The following RYR2 variants were observed in gnomAD, a reference collection of about 807,000 sequenced individuals.
The protein encoded by RYR2 is ryanodine receptor 2, also known as cardiac muscle ryanodine receptor-calcium release channel.
Under a neutral mutation model 601.1 loss-of-function variants are expected in RYR2, and 227 were observed. The observed-to-expected ratio is 0.38, with a 90% CI of 0.34 to 0.42. The LOEUF is 0.42. Among genes scored for constraint, RYR2 ranks in the 10% least tolerant of loss-of-function variants. The pLI, the probability that RYR2 is intolerant of heterozygous loss-of-function variation, is 1.00. For missense variants in RYR2, 4,646 were observed against 6,156.5 expected, an observed-to-expected ratio of 0.75 and a Z score of 8.21; for synonymous variants, 2,223 against 2,175.1, an observed-to-expected ratio of 1.02 and a Z score of -0.61.
intron 92 of RYR2, among the ~76,000 whole-genome samples, chr1:237,788,650 T>C (rs943031904): frequency 2.0e-5 from 3 of 152,194 alleles, no homozygotes; most frequent in Admixed American, 1.3e-4. Context: ...TATAAAAATA[T>C]TAGCTAATTG....
At chr1:237,756,469 C>T in intron 81 of RYR2, 82 bp downstream of exon 81, 2 of 852,878 alleles carry the variant, frequency 2.3e-6, no homozygotes, top group Admixed American at 2.4e-5. Flanking sequence ...CATTTCAATT[C>T]CACTGACTCA....
At chr1:237,723,062 C>G in intron 73 of RYR2, 66 bp from the exon 74 acceptor site, 1 of 1,417,154 alleles carries the variant, frequency 7.1e-7, no homozygotes, top group Non-Finnish European at 9.7e-7. Flanking sequence ...CTCTTCCTAT[C>G]TTTAGATTGT....
intron 2 of RYR2, among the ~76,000 whole-genome samples, chr1:237,310,141 G>A (rs1330459190): frequency 6.6e-6 from 1 of 152,210 alleles, no homozygotes; most frequent in African/African-American, 2.4e-5. Flanking sequence ...GAGTGAGCGA[G>A]GGCTGCCAGC....
intron 6 of RYR2, among the ~76,000 whole-genome samples, chr1:237,370,353 CAT>C (rs1462479245): frequency 6.6e-6 from 1 of 151,802 alleles, no homozygotes; most frequent in Non-Finnish European, 1.5e-5. Flanking sequence ...CCAGTCAACA[CAT>C]ATTTTTTGTA....
chr1:237,144,545 A>G (rs1490435008), intron 1 of RYR2, among the ~76,000 whole-genome samples: 1 of 152,230 alleles, frequency 6.6e-6, no homozygotes, highest in African/African-American at 2.4e-5. Context: ...GCTGACAGAA[A>G]CATCATTTAG....
rs138828991 is a variant in RYR2 at position 237,479,364 on chromosome 1, C to G, written c.1708+10177C>G. On this transcript the variant is annotated intron_variant, in intron 17 of 104. Coordinates refer to ENST00000366574, the MANE Select transcript of RYR2 (RefSeq NM_001035.3). ...CTTCCTTCCCCTTACTTTACACTTGCTAACTACAACAACTAGACTATTCTA... is the reference window on the plus strand; with the variant it reads ...CTTCCTTCCCCTTACTTTACACTTGGTAACTACAACAACTAGACTATTCTA... 1.5e-3 allele frequency among the ~76,000 whole-genome samples: 232 copies of G among 152,300 alleles called. 1 individual carries two copies. Among genetic ancestry groups the G allele is most frequent in the African/African-American group, 4.7e-3 (196 of 41,570 alleles).
At chr1:237,737,553 G>A (rs1449847559) in intron 79 of RYR2, among the ~76,000 whole-genome samples, 1 of 152,162 alleles carries the variant, frequency 6.6e-6, no homozygotes, top group Admixed American at 6.5e-5. Flanking sequence ...TTATACTGTT[G>A]ACTTTTAATT....
In RYR2 at chr1:237,664,808, C is replaced by G. The variant is rs369475676; in HGVS notation, c.8437-1704C>G. Among the ~76,000 whole-genome samples, 20 of 152,188 alleles carry G rather than the reference C, an allele frequency of 1.3e-4. No individual in the cohort carries two copies. In the South Asian group the frequency reaches 3.9e-3, roughly 30 times the overall value. On this transcript the variant is annotated intron_variant, in intron 56 of 104. Coordinates refer to ENST00000366574, the MANE Select transcript of RYR2 (RefSeq NM_001035.3). Reference sequence around the variant, plus strand: ...TAGCTGTGTTAGGTGAGGTAAAGACCATAGGAGTGCTGGGGACAGCAAGGA... The same window carrying G: ...TAGCTGTGTTAGGTGAGGTAAAGACGATAGGAGTGCTGGGGACAGCAAGGA...
intron 2 of RYR2, among the ~76,000 whole-genome samples, chr1:237,301,518 G>A (rs1043176058): frequency 2.6e-5 from 4 of 152,086 alleles, no homozygotes; most frequent in Admixed American, 6.6e-5. Context: ...AAACAGTCAC[G>A]TAACCCCTTT....
chr1:237,731,307 C>T (rs951908597), intron 77 of RYR2, among the ~76,000 whole-genome samples: 1 of 151,352 alleles, frequency 6.6e-6, no homozygotes, highest in African/African-American at 2.4e-5. Context: ...TGAATTCTGC[C>T]AATAAAAATG....
intron 24 of RYR2, among the ~76,000 whole-genome samples, chr1:237,519,532 G>A (rs557897186): frequency 1.3e-5 from 2 of 152,282 alleles, no homozygotes; most frequent in African/African-American, 2.4e-5. Flanking sequence ...GTATTGAAGA[G>A]TGTATCCTTT....
chr1:237,744,953 C>T (rs61830284), intron 80 of RYR2, among the ~76,000 whole-genome samples: 5,173 of 151,790 alleles, frequency 0.034, 101 homozygotes, highest in East Asian at 0.056. Context: ...CGCGCCACCA[C>T]GCCCGGCTAA....
chr1:237,353,699 T>C (rs1699057645), intron 3 of RYR2, among the ~76,000 whole-genome samples: 1 of 152,100 alleles, frequency 6.6e-6, no homozygotes, highest in African/African-American at 2.4e-5. Flanking sequence ...TTTTGAAATT[T>C]TGAAATGAAA....
chr1:237,635,619 C>G (rs539708551), intron 44 of RYR2, among the ~76,000 whole-genome samples: 13 of 152,236 alleles, frequency 8.5e-5, no homozygotes, highest in Non-Finnish European at 1.2e-4. Context: ...CCTTGCTCAC[C>G]TGGCATCTGT....
chr1:237,475,317 G>A (rs755408842), intron 17 of RYR2, among the ~76,000 whole-genome samples: 2 of 152,126 alleles, frequency 1.3e-5, no homozygotes, highest in Non-Finnish European at 2.9e-5. Flanking sequence ...TTATATTGAT[G>A]GGGTGTTCTC....
chr1:237,356,462 C>G (rs560698242), intron 4 of RYR2, among the ~76,000 whole-genome samples: 8 of 150,260 alleles, frequency 5.3e-5, no homozygotes, highest in Non-Finnish European at 1.2e-4. Flanking sequence ...TGGAGTCTCA[C>G]TATGTTGCCC....
chr1:237,696,546 T>TA (rs1242826936), intron 63 of RYR2, among the ~76,000 whole-genome samples: 2 of 151,664 alleles, frequency 1.3e-5, no homozygotes, highest in African/African-American at 4.9e-5. Context: ...CAGACTTTTT[T>TA]TTTTTTTTCA....
chr1:237,216,840 A>G lies in RYR2; in HGVS notation c.49-53657A>G, dbSNP rs908182859. 3.3e-5 allele frequency among the ~76,000 whole-genome samples: 5 copies of G among 152,160 alleles called. No homozygotes were observed. The East Asian group carries it at 9.6e-4, about 29-fold the overall frequency. On this transcript the variant is annotated intron_variant, in intron 1 of 104. Coordinates refer to ENST00000366574, the MANE Select transcript of RYR2 (RefSeq NM_001035.3). Reference sequence around the variant, plus strand: ...TTCAATATACTATATAGGTATTGCAATTTGAAGCATTTAAGTTAGGGTCTG... The same window carrying G: ...TTCAATATACTATATAGGTATTGCAGTTTGAAGCATTTAAGTTAGGGTCTG...
chr1:237,590,681 A>G lies in RYR2; in HGVS notation c.3849A>G (p.Leu1283=), dbSNP rs143603583. 674 of 1,576,954 alleles carry G rather than the reference A, an allele frequency of 4.3e-4. 4 individuals carry two copies. The African/African-American group carries it at 8.2e-3, about 19-fold the overall frequency. ...GCACCATAGACAGTTCCCCATGTTT[A>G]AAGGTCACTCAGAAGTCTTTTGGTT... ...IDGTIDSSPC[L]KVTQKSFGSQ... Residue 1283 remains leucine (L), a synonymous_variant, in exon 31 of 105, where the codon TTA becomes TTG. Transcript: ENST00000366574.
Sources: allele counts gnomAD v4.1 joint callset (sites outside exome capture counted in the v4.1 genomes callset), GRCh38; gene constraint gnomAD v4.1.1; transcripts MANE v1.5; gene names NCBI Gene and HGNC (gene_info 2026-07-23, HGNC 2026-07-21).